Variants in USP9X observed in about 807,000 individuals in gnomAD.
USP9X encodes ubiquitin specific peptidase 9 X-linked, also known as ubiquitin carboxyl-terminal hydrolase 9X.
Under a neutral mutation model 190.3 loss-of-function variants are expected in USP9X, and 7 were observed. The ratio of observed to expected loss-of-function variants is 0.04; its 90% CI spans 0.02 to 0.07. The LOEUF (loss-of-function observed/expected upper bound fraction) is 0.07. Among genes scored for constraint, USP9X ranks in the 10% least tolerant of loss-of-function variants. The pLI, the probability that USP9X is intolerant of heterozygous loss-of-function variation, is 1.00. For synonymous variants in USP9X, 645 were observed against 659.5 expected, an observed-to-expected ratio of 0.98 and a Z score of 0.34; for missense variants, 1,010 against 1,916.9, an observed-to-expected ratio of 0.53 and a Z score of 8.83.
At chrX:41,166,362 T>C (rs1601991418) in intron 16 of USP9X, 148 bp downstream of exon 16, 1 of 448,061 alleles carries the variant, frequency 2.2e-6, no homozygotes, top group Non-Finnish European at 3.6e-6. Context: ...ATTTTTATTA[T>C]GTCACCTGTC....
intron 33 of USP9X, among the ~76,000 whole-genome samples, chrX:41,213,412 C>G (rs945664377): frequency 8.9e-6 from 1 of 112,027 alleles, no homozygotes; most frequent in Non-Finnish European, 1.9e-5. Flanking sequence ...AAGATTTTGC[C>G]CAACTGTAGG....
At position 41,184,749 on chromosome X, in the gene USP9X, A is replaced by C. The variant is rs2062858708; in HGVS notation, c.3558+74A>C. The C allele has an allele frequency of 3.4e-6, 3 of 895,475 alleles. No individual in the cohort carries two copies. The Admixed American group carries it at 9.7e-5, about 29-fold the overall frequency. The allele number at this position is 895,475 out of a possible 1,213,427, so 73.8% of individuals were successfully genotyped here. On this transcript the variant is annotated intron_variant, in intron 23 of 44. Coordinates refer to ENST00000378308, the MANE Select transcript of USP9X (RefSeq NM_001039591.3). ...TTAAAGTAAAACTAATTAGTATTTT[A>C]AGTGTAGAGTTCAAGGTTGACTCAA...
At chrX:41,157,099 G>GT (rs1441432118) in intron 14 of USP9X, among the ~76,000 whole-genome samples, 1 of 111,854 alleles carries the variant, frequency 8.9e-6, no homozygotes, top group Non-Finnish European at 1.9e-5. Flanking sequence ...CGTCAGCAAA[G>GT]GGTGAAAGCC....
rs755510107 is a variant in USP9X at position 41,204,197 on chromosome X, A to G, written c.4825-1106A>G. ...TACCAAATGGTTAACGATTTTGAGC[A>G]TCTTTAGCTGTGCTTATTATTGGCC... On this transcript the variant is annotated intron_variant, in intron 31 of 44. Coordinates refer to ENST00000378308, the MANE Select transcript of USP9X (RefSeq NM_001039591.3). 2.7e-5 allele frequency among the ~76,000 whole-genome samples: 3 copies of G among 112,069 alleles called. No individual in the cohort carries two copies. In the South Asian group the frequency reaches 1.1e-3, roughly 41 times the overall value.
chrX:41,163,342 A>T (rs2062649730), intron 15 of USP9X, among the ~76,000 whole-genome samples: 1 of 111,253 alleles, frequency 9.0e-6, no homozygotes, highest in African/African-American at 3.3e-5. Flanking sequence ...ATCATTTCTG[A>T]TTGGCTTGAG....
intron 15 of USP9X, 124 bp from the exon 16 acceptor site, chrX:41,165,748 A>G (rs2062673601): frequency 3.5e-6 from 2 of 570,267 alleles, no homozygotes; most frequent in Admixed American, 4.1e-5. Flanking sequence ...TTTTGAAAGA[A>G]TGAATATCTT....
chrX:41,189,574 C>T, intron 26 of USP9X, 99 bp downstream of exon 26: 1 of 790,050 alleles, frequency 1.3e-6, no homozygotes, highest in Non-Finnish European at 1.7e-6. Flanking sequence ...TATTTATTGT[C>T]TCTATGGCAT....
At chrX:41,136,146 CAT>C (rs925707899) in intron 5 of USP9X, among the ~76,000 whole-genome samples, 4 of 111,798 alleles carry the variant, frequency 3.6e-5, no homozygotes, top group African/African-American at 1.3e-4. Flanking sequence ...GGATGATTGA[CAT>C]ATTGTTTATT....
chrX:41,093,065 C>T (rs1040387106), intron 1 of USP9X, among the ~76,000 whole-genome samples: 1 of 111,457 alleles, frequency 9.0e-6, no homozygotes, highest in South Asian at 3.7e-4. Flanking sequence ...AGGGGTTTGA[C>T]TGTGTTTCCC....
At chrX:41,232,337 G>A (rs756071793) in intron 44 of USP9X, 50 bp from the exon 45 acceptor site, 1 of 1,167,983 alleles carries the variant, frequency 8.6e-7, no homozygotes, top group Non-Finnish European at 1.2e-6. Context: ...TTTTGAAGTT[G>A]TTTTACTATG....
In USP9X at chrX:41,085,746, G is replaced by A; in HGVS notation, c.-522G>A. 3.3e-6 allele frequency: 1 copy of A among 299,279 alleles called. No individual in the cohort carries two copies. Among genetic ancestry groups the A allele is most frequent in the Middle Eastern group, 8.8e-4 (1 of 1,142 alleles). 24.7% of individuals were successfully genotyped at this position (299,279 alleles called of 1,213,427 possible). ...GAGGCGGCGACTAGGGGAAGGTGAAGCCGTCGCTGCAGGAGGAGGAGCAGG... is the reference window on the plus strand; with the variant it reads ...GAGGCGGCGACTAGGGGAAGGTGAAACCGTCGCTGCAGGAGGAGGAGCAGG... On this transcript the variant is annotated 5_prime_UTR_variant, in exon 1 of 45. Coordinates refer to ENST00000378308, the MANE Select transcript of USP9X (RefSeq NM_001039591.3).
chrX:41,130,975 C>T (rs1188182025), intron 3 of USP9X, among the ~76,000 whole-genome samples: 1 of 109,798 alleles, frequency 9.1e-6, no homozygotes, highest in Non-Finnish European at 1.9e-5. Context: ...ATCCTCCTGC[C>T]TCGGCCTCCC....
rs771852864 is a variant in USP9X, at chrX:41,163,734, CAAAA to C, written c.1985+870_1985+873del. On this transcript the variant is annotated intron_variant, in intron 15 of 44. Transcript: ENST00000378308. ...CACCACTGCACTCCAGACCCTGTCTCAAAAAAAAAAAAAAAATTTTTTTTTTAAA... is the reference window on the plus strand; with the variant it reads ...CACCACTGCACTCCAGACCCTGTCTCAAAAAAAAAAAATTTTTTTTTTAAA... Among the ~76,000 whole-genome samples the C allele has an allele frequency of 5.3e-4, 42 of 79,428 alleles. No homozygotes were observed. The East Asian group carries it at 0.013, about 24-fold the overall frequency. The allele number at this position is 79,428 out of a possible 115,157, so 69.0% of individuals were successfully genotyped here.
intron 13 of USP9X, 26 bp downstream of exon 13, chrX:41,151,083 T>A (rs1449085064): frequency 8.5e-7 from 1 of 1,169,957 alleles, no homozygotes; most frequent in Admixed American, 2.5e-5. Context: ...ATAGAAAATT[T>A]CAATACTTAA....
intron 3 of USP9X, among the ~76,000 whole-genome samples, chrX:41,129,766 C>T (rs1455495663): frequency 9.0e-6 from 1 of 111,362 alleles, no homozygotes; most frequent in Non-Finnish European, 1.9e-5. Context: ...ACTGTGGGCT[C>T]AACAAGTGAG....
intron 6 of USP9X, 37 bp downstream of exon 6, chrX:41,137,059 A>G (rs2062380596): frequency 8.9e-7 from 1 of 1,121,944 alleles, no homozygotes; most frequent in Non-Finnish European, 1.2e-6. Flanking sequence ...TAAATAATAC[A>G]ATTGTTTTGT....
intron 21 of USP9X, among the ~76,000 whole-genome samples, chrX:41,175,872 T>A (rs2062770541): frequency 9.1e-6 from 1 of 110,227 alleles, no homozygotes. Flanking sequence ...TTCATTCTAG[T>A]TTTCTCCCTT....
At chrX:41,118,517 C>T (rs866349783) in intron 1 of USP9X, among the ~76,000 whole-genome samples, 10 of 111,711 alleles carry the variant, frequency 9.0e-5, no homozygotes, top group Non-Finnish European at 1.7e-4. Flanking sequence ...ACATTTTGTT[C>T]GTCCTTGTAT....
Position 41,234,022 on chromosome X carries a change from T to C in USP9X, c.*1498T>C, listed in dbSNP as rs181284876. On this transcript the variant is annotated 3_prime_UTR_variant, in exon 45 of 45. Transcript: ENST00000378308. Reference sequence around the variant, plus strand: ...TTGTCCTGTGGTGTGTTTTTGGTTTTTTTTTTGGTTACTTTTTTTGTCCTT... The same window carrying C: ...TTGTCCTGTGGTGTGTTTTTGGTTTCTTTTTTGGTTACTTTTTTTGTCCTT... 1.8e-5 allele frequency: 2 copies of C among 109,550 alleles called. No homozygotes were observed. The highest frequency in any genetic ancestry group is 2.0e-4 in the Admixed American group (2 of 10,002). The allele number at this position is 109,550 out of a possible 1,213,427, so 9.0% of individuals were successfully genotyped here.
Sources: allele counts gnomAD v4.1 joint callset (sites outside exome capture counted in the v4.1 genomes callset), GRCh38; gene constraint gnomAD v4.1.1; transcripts MANE v1.5; gene names NCBI Gene and HGNC (gene_info 2026-07-23, HGNC 2026-07-21).